Variants in MCPH1 observed in about 807,000 individuals in gnomAD.
MCPH1 encodes the protein microcephalin.
Under a neutral mutation model 84.5 loss-of-function variants are expected in MCPH1, and 104 were observed. The observed-to-expected ratio is 1.23, with a 90% CI of 1.05 to 1.45. The LOEUF (loss-of-function observed/expected upper bound fraction) is 1.45. MCPH1 is among the 40% of genes most tolerant of loss of function. The pLI is 0.00. For missense variants in MCPH1, 1,498 were observed against 1,005.7 expected (o/e 1.49, Z -6.62); for synonymous variants, 514 against 366.8 (o/e 1.40, Z -4.58).
chr8:6,478,952 T>C (rs1459744272), intron 10 of MCPH1, among the ~76,000 whole-genome samples: 2 of 152,164 alleles, frequency 1.3e-5, no homozygotes, highest in Non-Finnish European at 2.9e-5. Flanking sequence ...GAGATGGACA[T>C]ACCTAAGATC....
At chr8:6,508,722 T>G in intron 12 of MCPH1, 1 of 675,608 alleles carries the variant, frequency 1.5e-6, no homozygotes, top group Non-Finnish European at 2.5e-6. Context: ...ACAGTTGGCT[T>G]GCTGACAAGT....
intron 3 of MCPH1, among the ~76,000 whole-genome samples, chr8:6,423,521 G>A (rs2442529): frequency 0.99 from 150,300 of 152,336 alleles, 74,165 homozygotes; most frequent in East Asian, 1. Flanking sequence ...ACATGCAGAT[G>A]CATCCCACTT....
chr8:6,480,645 G>C, intron 10 of MCPH1, 69 bp from the exon 11 acceptor site: 1 of 1,571,470 alleles, frequency 6.4e-7, no homozygotes, highest in South Asian at 1.1e-5. Flanking sequence ...CTAATATTGA[G>C]TGTAACTGCT....
chr8:6,504,201 C>A (rs1035150101), intron 12 of MCPH1, among the ~76,000 whole-genome samples: 1 of 151,258 alleles, frequency 6.6e-6, no homozygotes, highest in Admixed American at 6.6e-5. Flanking sequence ...GCCTGTAGTC[C>A]CAGCTACTCG....
rs572203923 is a variant in MCPH1 at position 6,639,718 on chromosome 8, A to G, written c.2453-3276A>G. On this transcript the variant is annotated intron_variant, in intron 13 of 13. Transcript: ENST00000344683. ...GAAATAAATGTATATAAACACAGAT[A>G]TTGTTTAGGGATTTGTTTTTATATA... 9.2e-5 allele frequency among the ~76,000 whole-genome samples: 14 copies of G among 152,056 alleles called. No homozygotes were observed. In the South Asian group the frequency reaches 2.5e-3, roughly 27 times the overall value.
chr8:6,439,199 G>C (rs773719722), intron 6 of MCPH1, 103 bp downstream of exon 6: 21 of 1,199,640 alleles, frequency 1.8e-5, no homozygotes, highest in Non-Finnish European at 2.1e-5. Flanking sequence ...TTTCCTGGTA[G>C]TAACACATTT....
At chr8:6,479,847 G>C (rs747090358) in intron 10 of MCPH1, among the ~76,000 whole-genome samples, 1 of 152,186 alleles carries the variant, frequency 6.6e-6, no homozygotes, top group African/African-American at 2.4e-5. Context: ...GGGAATGACA[G>C]AGCAGGAGAT....
rs570882620 is a variant in MCPH1, at chr8:6,422,221, A to G, written c.233+7338A>G. Among the ~76,000 whole-genome samples, 16 of 152,382 alleles carry G rather than the reference A, an allele frequency of 1.0e-4. No individual in the cohort carries two copies. In the South Asian group the frequency reaches 3.1e-3, roughly 30 times the overall value. On this transcript the variant is annotated intron_variant, in intron 3 of 13. Coordinates refer to ENST00000344683, the MANE Select transcript of MCPH1 (RefSeq NM_024596.5). ...TGGTTGTGTTTCTAGTAAGTCTAAC[A>G]TTCATCTGGCTCATAGTAGATGCTC... is the stretch of plus-strand genomic sequence containing the variant.
intron 12 of MCPH1, among the ~76,000 whole-genome samples, chr8:6,526,162 G>T (rs1260828391): frequency 6.7e-6 from 1 of 148,556 alleles, no homozygotes; most frequent in African/African-American, 2.5e-5. Context: ...GCTCATGCCT[G>T]TAATCCCAGC....
intron 12 of MCPH1, among the ~76,000 whole-genome samples, chr8:6,515,386 G>A (rs1586278240): frequency 1.3e-5 from 2 of 152,184 alleles, no homozygotes; most frequent in East Asian, 3.8e-4. Flanking sequence ...GTGTCCTGGT[G>A]CAAGGTGTGT....
chr8:6,512,836 G>A (rs1815440245), intron 12 of MCPH1, among the ~76,000 whole-genome samples: 1 of 152,198 alleles, frequency 6.6e-6, no homozygotes, highest in South Asian at 2.1e-4. Flanking sequence ...CCCAGGGAAT[G>A]CTGTGAATCT....
intron 12 of MCPH1, chr8:6,562,524 T>A (rs1259318580): frequency 1.2e-6 from 1 of 852,166 alleles, no homozygotes; most frequent in Non-Finnish European, 1.6e-6. Context: ...CAACCCGCTC[T>A]CCAGCTCTAA....
At chr8:6,624,922 G>A in intron 13 of MCPH1, 1 of 912,494 alleles carries the variant, frequency 1.1e-6, no homozygotes, top group Non-Finnish European at 1.3e-6. Flanking sequence ...TCACCAGGCT[G>A]GAGTGTGCAG....
At chr8:6,639,381 G>A (rs1404505378) in intron 13 of MCPH1, among the ~76,000 whole-genome samples, 1 of 152,148 alleles carries the variant, frequency 6.6e-6, no homozygotes, top group East Asian at 1.9e-4. Flanking sequence ...ACATATTATG[G>A]TCAGGTCCAG....
At chr8:6,416,332 A>G (rs1436721175) in intron 3 of MCPH1, among the ~76,000 whole-genome samples, 1 of 151,780 alleles carries the variant, frequency 6.6e-6, no homozygotes, top group East Asian at 1.9e-4. Context: ...TCTGGCCAGA[A>G]CCTCCAGCAC....
intron 2 of MCPH1, 60 bp from the exon 3 acceptor site, chr8:6,414,705 T>C: frequency 1.3e-6 from 2 of 1,590,260 alleles, no homozygotes; most frequent in Non-Finnish European, 1.7e-6. Context: ...TTTTGATCAG[T>C]TGTAGTTAAG....
intron 12 of MCPH1, among the ~76,000 whole-genome samples, chr8:6,545,358 A>C (rs377222535): frequency 6.6e-6 from 1 of 152,292 alleles, no homozygotes; most frequent in Non-Finnish European, 1.5e-5. Context: ...ATATCTCAAA[A>C]ATTCTTTTAA....
At chr8:6,459,919 G>T (rs889007624) in intron 9 of MCPH1, among the ~76,000 whole-genome samples, 17 of 152,232 alleles carry the variant, frequency 1.1e-4, no homozygotes, top group Non-Finnish European at 5.9e-5. Context: ...CACGGCCTTG[G>T]TGTGGCCCGG....
chr8:6,464,090 A>G (rs573711570), intron 9 of MCPH1, among the ~76,000 whole-genome samples: 1 of 152,308 alleles, frequency 6.6e-6, no homozygotes, highest in South Asian at 2.1e-4. Context: ...CATGTAAATC[A>G]TTTCCATTGT....
Sources: gnomAD v4.1 joint callset for allele counts (sites outside exome capture counted in the v4.1 genomes callset) on GRCh38, gnomAD v4.1.1 for gene constraint, MANE v1.5 for transcripts, NCBI Gene and HGNC (gene_info 2026-07-23, HGNC 2026-07-21) for gene names.